NFAM1: variants seen among roughly 807,000 people sequenced by gnomAD.
NFAM1 encodes the protein NFAT activation molecule 1.
A neutral mutation model predicts 29.0 loss-of-function variants in NFAM1; 17 were observed. The ratio of observed to expected loss-of-function variants is 0.59; its 90% confidence interval spans 0.40 to 0.88. The LOEUF (loss-of-function observed/expected upper bound fraction) is 0.88, where lower values mean the gene tolerates loss of function less well. Among genes scored for constraint, NFAM1 ranks in the 40% least tolerant of loss-of-function variants. The pLI, the probability that NFAM1 is intolerant of heterozygous loss-of-function variation, is 0.00. For missense variants in NFAM1, 324 were observed against 344.6 expected, an observed-to-expected ratio of 0.94 and a Z score of 0.47; for synonymous variants, 175 against 147.2, an observed-to-expected ratio of 1.19 and a Z score of -1.36.
intron 4 of NFAM1, among the ~76,000 whole-genome samples, chr22:42,391,094 C>T (rs1447275252): frequency 6.6e-6 from 1 of 152,176 alleles, no homozygotes; most frequent in East Asian, 1.9e-4. Context: ...CTGGGCACTC[C>T]TCACACCCCT....
chr22:42,404,357 G>A (rs1230556926), intron 3 of NFAM1, among the ~76,000 whole-genome samples: 1 of 151,958 alleles, frequency 6.6e-6, no homozygotes, highest in Non-Finnish European at 1.5e-5. Flanking sequence ...AGGTGCTCCC[G>A]GGTCCTCTGT....
upstream of NFAM1, chr22:42,437,137 T>C (rs1569239952): frequency 1.0e-5 from 3 of 287,306 alleles, no homozygotes; most frequent in Non-Finnish European, 1.5e-5. Flanking sequence ...TTTTTTCTTT[T>C]TGTCTTTTTT....
At chr22:42,416,089 G>A (rs1666018314) in intron 1 of NFAM1, among the ~76,000 whole-genome samples, 1 of 152,150 alleles carries the variant, frequency 6.6e-6, no homozygotes, top group South Asian at 2.1e-4. Flanking sequence ...AAAAATTACA[G>A]GAATTGTATC....
chr22:42,426,956 C>G (rs980166872), intron 1 of NFAM1, among the ~76,000 whole-genome samples: 1 of 152,162 alleles, frequency 6.6e-6, no homozygotes, highest in African/African-American at 2.4e-5. Context: ...CTATTGCTGT[C>G]TGGGAGGATG....
At chr22:42,432,456 G>T (rs1470035253), upstream of NFAM1, 78 of 1,441,608 alleles carry the variant, frequency 5.4e-5, no homozygotes, top group Non-Finnish European at 7.0e-5. Flanking sequence ...CTCCTCCCTG[G>T]CAGCCCCTGA....
At chr22:42,420,727 G>A (rs1199761318) in intron 1 of NFAM1, among the ~76,000 whole-genome samples, 3 of 152,016 alleles carry the variant, frequency 2.0e-5, no homozygotes, top group Non-Finnish European at 4.4e-5. Flanking sequence ...GATCACGCAC[G>A]CCACTGCACT....
chr22:42,402,940 A>G (rs896782125), intron 3 of NFAM1, among the ~76,000 whole-genome samples: 5 of 148,978 alleles, frequency 3.4e-5, no homozygotes, highest in Non-Finnish European at 7.4e-5. Context: ...GGTTTAAGCA[A>G]TTCTCTGCCT....
intron 3 of NFAM1, among the ~76,000 whole-genome samples, chr22:42,401,917 T>G (rs1929737862): frequency 6.6e-6 from 1 of 152,246 alleles, no homozygotes; most frequent in African/African-American, 2.4e-5. Flanking sequence ...TGGCCACTTC[T>G]GCCTTATCTT....
intron 1 of NFAM1, among the ~76,000 whole-genome samples, chr22:42,420,756 CGAGA>C (rs67400908): frequency 0.076 from 11,525 of 152,024 alleles, 620 homozygotes; most frequent in African/African-American, 0.16. Flanking sequence ...TGTGACAGAG[CGAGA>C]CTCTGTCACA....
intron 3 of NFAM1, among the ~76,000 whole-genome samples, chr22:42,403,937 C>T (rs1290159853): frequency 6.6e-6 from 1 of 152,154 alleles, no homozygotes; most frequent in African/African-American, 2.4e-5. Flanking sequence ...TGGGAGGGAT[C>T]CCAGGTGCCG....
upstream of NFAM1, among the ~76,000 whole-genome samples, chr22:42,434,543 G>C (rs1455722501): frequency 2.0e-5 from 3 of 152,228 alleles, no homozygotes; most frequent in Non-Finnish European, 4.4e-5. Context: ...AAGGAGCCCA[G>C]CAGCCCTGGC....
intron 3 of NFAM1, among the ~76,000 whole-genome samples, chr22:42,400,696 C>G (rs1030390719): frequency 3.3e-5 from 5 of 152,224 alleles, no homozygotes; most frequent in African/African-American, 1.2e-4. Flanking sequence ...GGATCAAACC[C>G]AGATGTGTGT....
intron 3 of NFAM1, among the ~76,000 whole-genome samples, chr22:42,399,417 A>G (rs1048975627): frequency 1.3e-5 from 2 of 148,894 alleles, no homozygotes; most frequent in Non-Finnish European, 3.0e-5. Context: ...ATTGCACTCC[A>G]GCCTGGGAGA....
At chr22:42,418,736 G>A (rs1470692575) in intron 1 of NFAM1, among the ~76,000 whole-genome samples, 3 of 151,864 alleles carry the variant, frequency 2.0e-5, no homozygotes, top group East Asian at 1.9e-4. Flanking sequence ...CCCTTCTGCC[G>A]GGTTAAATGA....
At chr22:42,416,209 G>A (rs999597428) in intron 1 of NFAM1, among the ~76,000 whole-genome samples, 4 of 152,186 alleles carry the variant, frequency 2.6e-5, no homozygotes, top group African/African-American at 7.2e-5. Flanking sequence ...GGTGGCACAC[G>A]CCTGTAGTTC....
chr22:42,415,160 G>A (rs1930213418), intron 1 of NFAM1, among the ~76,000 whole-genome samples: 1 of 152,110 alleles, frequency 6.6e-6, no homozygotes, highest in East Asian at 1.9e-4. Flanking sequence ...ACAACGTCCA[G>A]TCTGGAGACG....
At chr22:42,427,857 C>T (rs1294465926) in intron 1 of NFAM1, among the ~76,000 whole-genome samples, 1 of 152,182 alleles carries the variant, frequency 6.6e-6, no homozygotes, top group Admixed American at 6.5e-5. Context: ...AGTGATCCCC[C>T]CACAAGCTGG....
intron 1 of NFAM1, among the ~76,000 whole-genome samples, chr22:42,413,801 CCCAG>C (rs1040844366): frequency 9.5e-4 from 144 of 152,236 alleles, no homozygotes; most frequent in Middle Eastern, 3.4e-3. Context: ...TGCCCGTAAT[CCCAG>C]CACTTTGGGA....
At chr22:42,414,680 C>G (rs901252666) in intron 1 of NFAM1, among the ~76,000 whole-genome samples, 2 of 151,974 alleles carry the variant, frequency 1.3e-5, no homozygotes, top group South Asian at 4.2e-4. Flanking sequence ...CCACTGCCCC[C>G]TCTGTGTACC....
Sources: gnomAD v4.1 joint callset for allele counts (sites outside exome capture counted in the v4.1 genomes callset) on GRCh38, gnomAD v4.1.1 for gene constraint, MANE v1.5 for transcripts, NCBI Gene and HGNC (gene_info 2026-07-23, HGNC 2026-07-21) for gene names.